Variants in RASSF8 observed in about 807,000 individuals in gnomAD.
The protein encoded by RASSF8 is Ras association domain family member 8, also known as ras association domain-containing protein 8.
In RASSF8, 22 loss-of-function variants were observed where a neutral mutation model predicts 48.5. The observed-to-expected ratio is 0.45, with a 90% CI of 0.32 to 0.65. The LOEUF (loss-of-function observed/expected upper bound fraction) is 0.65. Ranked by LOEUF, RASSF8 falls within the 30% of genes least tolerant of loss-of-function variation. RASSF8 has a pLI of 0.03. For synonymous variants in RASSF8, 127 were observed against 171.5 expected, an observed-to-expected ratio of 0.74 and a Z score of 2.03; for missense variants, 418 against 489.2, an observed-to-expected ratio of 0.85 and a Z score of 1.37.
At chr12:26,047,299 A>G (rs1023876856) in intron 2 of RASSF8, among the ~76,000 whole-genome samples, 1 of 152,174 alleles carries the variant, frequency 6.6e-6, no homozygotes, top group Non-Finnish European at 1.5e-5. Flanking sequence ...TCCACCTTCC[A>G]TAAACATTTA....
intron 2 of RASSF8, among the ~76,000 whole-genome samples, chr12:26,006,188 CCTT>C (rs1942386492): frequency 6.6e-6 from 1 of 152,190 alleles, no homozygotes; most frequent in Non-Finnish European, 1.5e-5. Context: ...TTATCTCTAT[CCTT>C]TTCTTCTTCC....
chr12:26,036,794 C>T (rs1391448223), intron 2 of RASSF8, among the ~76,000 whole-genome samples: 1 of 151,922 alleles, frequency 6.6e-6, no homozygotes, highest in Non-Finnish European at 1.5e-5. Flanking sequence ...CTTGGTGGCA[C>T]ACGCCCAGCT....
chr12:25,994,450 ATGT>A (rs1942086151), intron 1 of RASSF8, among the ~76,000 whole-genome samples: 2 of 152,186 alleles, frequency 1.3e-5, no homozygotes, highest in Admixed American at 6.5e-5. Context: ...TTTATAGCTA[ATGT>A]TGTGGCAAAG....
At chr12:25,994,230 G>A (rs576247794) in intron 1 of RASSF8, among the ~76,000 whole-genome samples, 5 of 151,576 alleles carry the variant, frequency 3.3e-5, no homozygotes, top group Non-Finnish European at 7.4e-5. Context: ...ATTTGGGGGC[G>A]GTATTTTCTA....
intron 1 of RASSF8, among the ~76,000 whole-genome samples, chr12:25,984,849 T>A (rs957666279): frequency 2.6e-5 from 4 of 152,232 alleles, no homozygotes; most frequent in Non-Finnish European, 5.9e-5. Context: ...CAACATTTAG[T>A]AAAATTAATT....
chr12:25,960,751 A>G (rs1234796450), intron 1 of RASSF8, among the ~76,000 whole-genome samples: 2 of 152,166 alleles, frequency 1.3e-5, no homozygotes, highest in Non-Finnish European at 2.9e-5. Context: ...TTCTAGGTTT[A>G]TTGATCAAAT....
At chr12:26,061,538 T>G (rs1287640136) in intron 3 of RASSF8, among the ~76,000 whole-genome samples, 1 of 151,070 alleles carries the variant, frequency 6.6e-6, no homozygotes, top group Middle Eastern at 3.2e-3. Flanking sequence ...AAAAACAGCT[T>G]AAACTACAAA....
intron 1 of RASSF8, among the ~76,000 whole-genome samples, chr12:25,989,508 T>C (rs1000800464): frequency 3.3e-5 from 5 of 152,218 alleles, no homozygotes; most frequent in Non-Finnish European, 7.3e-5. Context: ...GTGTGAAATA[T>C]TGAAGTGTTA....
chr12:25,972,537 C>G (rs1941507526), intron 1 of RASSF8, among the ~76,000 whole-genome samples: 1 of 152,104 alleles, frequency 6.6e-6, no homozygotes, highest in South Asian at 2.1e-4. Flanking sequence ...TCCAGATGAA[C>G]TGTTATACAG....
At position 26,069,141 on chromosome 12, in the gene RASSF8, G is replaced by C; in HGVS notation, c.*323G>C. 3 of 993,546 alleles carry C rather than the reference G, an allele frequency of 3.0e-6. No homozygotes were observed. The highest frequency in any genetic ancestry group is 9.3e-5 in the South Asian group (2 of 21,572). 61.5% of individuals were successfully genotyped at this position (993,546 alleles called of 1,614,324 possible). A position where few individuals can be genotyped will look rare whatever the true frequency, so the allele number is the denominator to read the frequency against. On this transcript the variant is annotated 3_prime_UTR_variant, in exon 6 of 6. Transcript: ENST00000689635. ...TAAATAAGCCGTGACTTAAGTAAGA[G>C]TGAAGAGAAATTTGTGACTGGCTTA...
chr12:26,031,046 T>TCTGCAGCTTTTACTG (rs1463046175), intron 2 of RASSF8, among the ~76,000 whole-genome samples: 2 of 152,212 alleles, frequency 1.3e-5, no homozygotes, highest in African/African-American at 4.8e-5. Flanking sequence ...CTTAAATATG[T>TCTGCAGCTTTTACTG]CTGCAGCTTT....
At chr12:26,038,609 AC>A (rs1943200397) in intron 2 of RASSF8, among the ~76,000 whole-genome samples, 2 of 206 alleles carry the variant, frequency 9.7e-3, no homozygotes, top group Admixed American at 0.05. Flanking sequence ...TCTTATTAAA[AC>A]ACACACACAC....
At position 26,067,665 on chromosome 12, in the gene RASSF8, C is replaced by T. The variant is rs866772127; in HGVS notation, c.1090C>T (p.Pro364Ser). Residue 364 changes from proline to serine, a missense_variant, in exon 5 of 6, where the codon CCA (proline) becomes TCA (serine). Pro to Ser is a moderately conservative substitution (Grantham distance 74). Coordinates refer to ENST00000689635, the MANE Select transcript of RASSF8 (RefSeq NM_001394098.1). The stretch of plus-strand genomic sequence containing the variant: ...GACAGGGACAAAAGTTACCGTTTTG[C>T]CAGCGGAGCCCATTGAAATAGAGGC... ...QQTGTKVTVL[P>S]AEPIEIEASH... 1.2e-6 allele frequency: 2 copies of T among 1,614,022 alleles called. No homozygotes were observed. The highest frequency in any genetic ancestry group is 1.7e-6 in the Non-Finnish European group (2 of 1,180,006).
intron 1 of RASSF8, among the ~76,000 whole-genome samples, chr12:25,968,027 T>C (rs370376311): frequency 1.0e-3 from 158 of 152,350 alleles, no homozygotes; most frequent in African/African-American, 3.6e-3. Context: ...GCTTTGGGCC[T>C]GGAAACAATA....
chr12:26,069,101 T>C lies in RASSF8; in HGVS notation c.*283T>C. On this transcript the variant is annotated 3_prime_UTR_variant, in exon 6 of 6. Transcript: ENST00000689635. ...TTTTGAGAGCTTTAGGAAAGTATTA[T>C]ATAGTGTGTATACATAAATAAGCCG... 4 of 1,046,704 alleles carry C rather than the reference T, an allele frequency of 3.8e-6. No individual in the cohort carries two copies. The highest frequency in any genetic ancestry group is 3.7e-5 in the South Asian group (1 of 26,784). 64.8% of individuals were successfully genotyped at this position (1,046,704 alleles called of 1,614,324 possible).
intron 1 of RASSF8, among the ~76,000 whole-genome samples, chr12:25,988,692 C>G (rs74355870): frequency 0.022 from 3,376 of 152,256 alleles, 61 homozygotes; most frequent in East Asian, 0.059. Context: ...GAAATTCCTG[C>G]TTTATCAGGA....
chr12:26,025,894 T>TA (rs966544889), intron 2 of RASSF8, among the ~76,000 whole-genome samples: 34 of 150,378 alleles, frequency 2.3e-4, no homozygotes, highest in Admixed American at 4.6e-4. Context: ...AAGACCAAAA[T>TA]AAAAAAAAAG....
rs546348340 is a variant in RASSF8, at chr12:26,058,491, C to A, written c.103+3045C>A. Among the ~76,000 whole-genome samples the A allele has an allele frequency of 6.4e-4, 98 of 152,166 alleles. No individual in the cohort carries two copies. The South Asian group carries it at 0.011, about 16-fold the overall frequency. On this transcript the variant is annotated intron_variant, in intron 3 of 5. Coordinates refer to ENST00000689635, the MANE Select transcript of RASSF8 (RefSeq NM_001394098.1). ...TAGACTGGTTTCTTAGGTTTAAGTGCGCGTCTTTGCCTCATGGGGGCACTA... is the reference window on the plus strand; with the variant it reads ...TAGACTGGTTTCTTAGGTTTAAGTGAGCGTCTTTGCCTCATGGGGGCACTA...
intron 1 of RASSF8, among the ~76,000 whole-genome samples, chr12:25,981,722 A>G (rs1473102665): frequency 6.6e-6 from 1 of 152,210 alleles, no homozygotes; most frequent in Non-Finnish European, 1.5e-5. Flanking sequence ...ATTAATCACC[A>G]AAGCAAAGGC....
Sources: allele counts gnomAD v4.1 joint callset (sites outside exome capture counted in the v4.1 genomes callset), GRCh38; gene constraint gnomAD v4.1.1; transcripts MANE v1.5; gene names NCBI Gene and HGNC (gene_info 2026-07-23, HGNC 2026-07-21).